PPM1E: variants seen among roughly 807,000 people sequenced by gnomAD.
PPM1E encodes protein phosphatase, Mg2+/Mn2+ dependent 1E, also known as protein phosphatase 1E.
PPM1E carries 20 observed loss-of-function variants against 65.9 expected under a neutral mutation model. The ratio of observed to expected loss-of-function variants is 0.30; its 90% confidence interval spans 0.21 to 0.44. The LOEUF (loss-of-function observed/expected upper bound fraction) is 0.44, where lower values mean the gene tolerates loss of function less well. Among genes scored for constraint, PPM1E ranks in the 20% least tolerant of loss-of-function variants. PPM1E has a pLI of 1.00. For synonymous variants in PPM1E, 352 were observed against 374.9 expected (o/e 0.94, Z 0.70); for missense variants, 713 against 953.1 (o/e 0.75, Z 3.32).
chr17:58,783,396 A>G (rs1424461469), intron 1 of PPM1E, among the ~76,000 whole-genome samples: 2 of 152,236 alleles, frequency 1.3e-5, no homozygotes, highest in Non-Finnish European at 2.9e-5. Context: ...TTTATTGTTG[A>G]TAAACTTAAT....
At chr17:58,864,462 G>A (rs1240732190) in intron 1 of PPM1E, among the ~76,000 whole-genome samples, 1 of 87,698 alleles carries the variant, frequency 1.1e-5, no homozygotes, top group African/African-American at 5.1e-5. Flanking sequence ...CCAACATGGT[G>A]AAACCTGTCT....
intron 1 of PPM1E, among the ~76,000 whole-genome samples, chr17:58,790,264 A>G (rs748130105): frequency 1.3e-5 from 2 of 151,340 alleles, no homozygotes; most frequent in Non-Finnish European, 2.9e-5. Flanking sequence ...GGGTCTTACC[A>G]TGTTGCCCAG....
intron 1 of PPM1E, among the ~76,000 whole-genome samples, chr17:58,851,255 C>T (rs550428960): frequency 6.6e-5 from 10 of 151,820 alleles, no homozygotes; most frequent in Non-Finnish European, 1.2e-4. Flanking sequence ...TTGTTATTAC[C>T]GATCGTCTGA....
intron 1 of PPM1E, among the ~76,000 whole-genome samples, chr17:58,901,534 C>T (rs1396673768): frequency 1.3e-5 from 2 of 151,744 alleles, no homozygotes; most frequent in Admixed American, 6.6e-5. Context: ...AAAAATTAGC[C>T]GGGCATGGTG....
At chr17:58,943,670 T>C (rs543533637) in intron 1 of PPM1E, among the ~76,000 whole-genome samples, 1 of 152,156 alleles carries the variant, frequency 6.6e-6, no homozygotes, top group Non-Finnish European at 1.5e-5. Flanking sequence ...TTGTTAAATA[T>C]GAAGATTCAC....
intron 1 of PPM1E, among the ~76,000 whole-genome samples, chr17:58,865,497 G>C (rs906542522): frequency 6.6e-6 from 1 of 152,180 alleles, no homozygotes; most frequent in South Asian, 2.1e-4. Context: ...GATCATTTGA[G>C]CCCAGAGTTT....
intron 1 of PPM1E, among the ~76,000 whole-genome samples, chr17:58,797,129 T>A (rs555823996): frequency 1.8e-4 from 27 of 152,188 alleles, no homozygotes; most frequent in Non-Finnish European, 3.5e-4. Context: ...ATAAAGTAAG[T>A]TGCAAAGTTT....
Position 58,763,706 on chromosome 17 carries a change from GTC to G in PPM1E, c.464+7247_464+7248del, listed in dbSNP as rs368839559. On this transcript the variant is annotated intron_variant, in intron 1 of 6. Coordinates refer to ENST00000308249, the MANE Select transcript of PPM1E (RefSeq NM_014906.5). The stretch of plus-strand genomic sequence containing the variant: ...TTTGTCCAGCAGTACTGTATGAGGA[GTC>G]TGATTTCTCTACGTTCTTGCTACCA... Among the ~76,000 whole-genome samples, 336 of 152,236 alleles carry G rather than the reference GTC, an allele frequency of 2.2e-3. 2 individuals are homozygous for G. Among genetic ancestry groups the G allele is most frequent in the Middle Eastern group, 0.017 (5 of 294 alleles).
chr17:58,848,273 CCT>C (rs1263043586), intron 1 of PPM1E, among the ~76,000 whole-genome samples: 3 of 152,138 alleles, frequency 2.0e-5, no homozygotes, highest in Non-Finnish European at 2.9e-5. Context: ...ATTTCCTTCT[CCT>C]GCCTGATTAC....
intron 1 of PPM1E, among the ~76,000 whole-genome samples, chr17:58,766,604 T>TACAC (rs1491328736): frequency 9.7e-6 from 1 of 103,452 alleles, no homozygotes; most frequent in East Asian, 4.5e-4. Context: ...TATGTGTGTG[T>TACAC]ATACACACAC....
Position 58,785,458 on chromosome 17 carries a change from T to TTATATATATATATATATATA in PPM1E, c.464+29010_464+29029dup, listed in dbSNP as rs71367630. 7.3e-3 allele frequency: 645 copies of TTATATATATATATATATATA among 88,704 alleles called. 18 individuals are homozygous for TTATATATATATATATATATA. The highest frequency in any genetic ancestry group is 0.011 in the Non-Finnish European group (513 of 48,810). 5.5% of individuals were successfully genotyped at this position (88,704 alleles called of 1,614,324 possible). A position where few individuals can be genotyped will look rare whatever the true frequency, so the allele number is the denominator to read the frequency against. ...GCTAGATGTACCACACCTGGCTAAT[T>TTATATATATATATATATATA]TATATATATATATATATATATATAT... On this transcript the variant is annotated intron_variant, in intron 1 of 6. Transcript: ENST00000308249.
intron 1 of PPM1E, among the ~76,000 whole-genome samples, chr17:58,786,249 C>T (rs772389518): frequency 4.0e-5 from 6 of 151,816 alleles, no homozygotes; most frequent in Non-Finnish European, 8.8e-5. Context: ...CTCCTGACCT[C>T]GTGATCTGCC....
At chr17:58,934,781 G>T (rs1048278378) in intron 1 of PPM1E, among the ~76,000 whole-genome samples, 4 of 151,982 alleles carry the variant, frequency 2.6e-5, no homozygotes, top group South Asian at 2.1e-4. Context: ...ACAAAAATTA[G>T]CTGGGCATGG....
Position 58,982,887 on chromosome 17 carries a change from C to CCAT in PPM1E, c.*1859_*1861dup, listed in dbSNP as rs767938650. 6 of 1,569,426 alleles carry CCAT rather than the reference C, an allele frequency of 3.8e-6. No individual in the cohort carries two copies. The Admixed American group carries it at 1.1e-4, about 29-fold the overall frequency. On this transcript the variant is annotated 3_prime_UTR_variant, in exon 7 of 7. Coordinates refer to ENST00000308249, the MANE Select transcript of PPM1E (RefSeq NM_014906.5). Reference sequence around the variant, plus strand: ...CTTCTGAAGCCTAGATCTTGTTAACCCATCAGGTGCAGTGTCAGTTTCAAA... The same window carrying CCAT: ...CTTCTGAAGCCTAGATCTTGTTAACCCATCATCAGGTGCAGTGTCAGTTTCAAA...
chr17:58,784,815 G>A (rs2050083720), intron 1 of PPM1E, among the ~76,000 whole-genome samples: 1 of 152,140 alleles, frequency 6.6e-6, no homozygotes, highest in Non-Finnish European at 1.5e-5. Flanking sequence ...GAGCCACCAT[G>A]CCTAGCCTTA....
In PPM1E at chr17:58,979,959, C is replaced by A; in HGVS notation, c.1211-15C>A. On this transcript the variant is annotated splice_polypyrimidine_tract_variant and intron_variant, in intron 6 of 6. Coordinates refer to ENST00000308249, the MANE Select transcript of PPM1E (RefSeq NM_014906.5). ...AACAAATGCTAATGATGCCCCTACA[C>A]TCTGCTTCCCGCAGGAGATGCTGAA... The A allele has an allele frequency of 6.3e-7, 1 of 1,599,844 alleles. No individual in the cohort carries two copies. Among genetic ancestry groups the A allele is most frequent in the Non-Finnish European group, 8.5e-7 (1 of 1,170,670 alleles).
intron 1 of PPM1E, among the ~76,000 whole-genome samples, chr17:58,851,080 T>C (rs1297065458): frequency 4.6e-5 from 7 of 152,214 alleles, no homozygotes; most frequent in Non-Finnish European, 1.0e-4. Context: ...CTACCGAAGC[T>C]TGTGCATGCA....
At chr17:58,894,161 G>A (rs991913618) in intron 1 of PPM1E, among the ~76,000 whole-genome samples, 4 of 151,926 alleles carry the variant, frequency 2.6e-5, no homozygotes, top group Admixed American at 6.6e-5. Context: ...TCGCTCTGTC[G>A]CTCAGGCTGG....
Position 58,879,376 on chromosome 17 carries a change from A to G in PPM1E, c.465-76273A>G, listed in dbSNP as rs1260384178. ...ACTCCTGGACTCAAGCAATCCTGCT[A>G]CCTCAGCTTCTACGGGTGTGTACCA... On this transcript the variant is annotated intron_variant, in intron 1 of 6. Coordinates refer to ENST00000308249, the MANE Select transcript of PPM1E (RefSeq NM_014906.5). Among the ~76,000 whole-genome samples the G allele has an allele frequency of 6.0e-5, 9 of 150,924 alleles. No homozygotes were observed. The East Asian group carries it at 1.7e-3, about 29-fold the overall frequency.
Sources: allele counts gnomAD v4.1 joint callset (sites outside exome capture counted in the v4.1 genomes callset), GRCh38; gene constraint gnomAD v4.1.1; transcripts MANE v1.5; gene names NCBI Gene and HGNC (gene_info 2026-07-23, HGNC 2026-07-21).